The following RAPGEF6 variants were observed in gnomAD, a reference collection of about 807,000 sequenced individuals.
RAPGEF6 encodes the protein Rap guanine nucleotide exchange factor 6, also known as PDZ domain containing guanine nucleotide exchange factor (GEF) 2.
A neutral mutation model predicts 171.4 loss-of-function variants in RAPGEF6; 56 were observed. The observed-to-expected ratio is 0.33, with a 90% confidence interval of 0.26 to 0.41. The LOEUF (loss-of-function observed/expected upper bound fraction) is 0.41. RAPGEF6 is among the 10% of genes least tolerant of loss of function. RAPGEF6 has a pLI of 1.00. For missense variants in RAPGEF6, 1,674 were observed against 1,921.4 expected (o/e 0.87, Z 2.41); for synonymous variants, 692 against 650.1 (o/e 1.06, Z -0.98).
intron 4 of RAPGEF6, among the ~76,000 whole-genome samples, chr5:131,581,889 T>C (rs927134501): frequency 6.6e-6 from 1 of 152,152 alleles, no homozygotes; most frequent in African/African-American, 2.4e-5. Flanking sequence ...CAATACACCC[T>C]CCCTGCCCTT....
chr5:131,632,809 A>G (rs1766396319), intron 1 of RAPGEF6, among the ~76,000 whole-genome samples: 2 of 152,312 alleles, frequency 1.3e-5, no homozygotes, highest in African/African-American at 4.8e-5. Context: ...TTCCTTCTTC[A>G]TACTTCTTTA....
chr5:131,621,423 G>A (rs1765586167), intron 1 of RAPGEF6, among the ~76,000 whole-genome samples: 1 of 151,778 alleles, frequency 6.6e-6, no homozygotes, highest in Non-Finnish European at 1.5e-5. Context: ...CTGAGTAGCT[G>A]GCATGCACCA....
At chr5:131,588,228 CACA>C (rs1295389262) in intron 4 of RAPGEF6, among the ~76,000 whole-genome samples, 4 of 152,096 alleles carry the variant, frequency 2.6e-5, no homozygotes, top group Non-Finnish European at 4.4e-5. Context: ...TACCAGTAAA[CACA>C]ACAATGGTTC....
chr5:131,626,417 C>A (rs1171312885), intron 1 of RAPGEF6, among the ~76,000 whole-genome samples: 1 of 152,020 alleles, frequency 6.6e-6, no homozygotes, highest in Non-Finnish European at 1.5e-5. Flanking sequence ...GGAATGCCTG[C>A]TCTAGACTTA....
intron 1 of RAPGEF6, among the ~76,000 whole-genome samples, chr5:131,630,112 T>C (rs1260768163): frequency 6.6e-6 from 1 of 152,204 alleles, no homozygotes; most frequent in Non-Finnish European, 1.5e-5. Flanking sequence ...AGTCAATTGA[T>C]GTGGCAAACT....
intron 7 of RAPGEF6, among the ~76,000 whole-genome samples, chr5:131,514,684 G>T (rs1294803557): frequency 6.6e-6 from 1 of 151,888 alleles, no homozygotes; most frequent in African/African-American, 2.4e-5. Context: ...TGAAGAAAGG[G>T]CAACAAAAGC....
intron 21 of RAPGEF6, among the ~76,000 whole-genome samples, chr5:131,449,600 A>G (rs1388027576): frequency 6.6e-6 from 1 of 152,210 alleles, no homozygotes; most frequent in African/African-American, 2.4e-5. Flanking sequence ...TTTTGGATCC[A>G]CCATTAATGA....
rs560565656 is a variant in RAPGEF6 at position 131,521,587 on chromosome 5, TG to T, written c.496-67del. 216 of 1,467,818 alleles carry T rather than the reference TG, an allele frequency of 1.5e-4. 4 individuals are homozygous for T. In the South Asian group the frequency reaches 2.7e-3, roughly 18 times the overall value. 90.9% of individuals were successfully genotyped at this position (1,467,818 alleles called of 1,614,324 possible). ...TTTACCTTTTTAAGCGGTTTCGACA[TG>T]TTCAACAAATTTTTATGTACATTAC... On this transcript the variant is annotated intron_variant, in intron 6 of 27. Transcript: ENST00000509018.
intron 1 of RAPGEF6, among the ~76,000 whole-genome samples, chr5:131,605,064 C>T (rs1008638599): frequency 6.6e-6 from 1 of 152,094 alleles, no homozygotes; most frequent in Admixed American, 6.5e-5. Flanking sequence ...CTAGAGATGA[C>T]CCAGTTTATC....
intron 19 of RAPGEF6, among the ~76,000 whole-genome samples, chr5:131,459,352 A>G (rs1425949112): frequency 6.6e-6 from 1 of 152,230 alleles, no homozygotes; most frequent in Non-Finnish European, 1.5e-5. Context: ...AAGAGCTCTC[A>G]TTGTATTAGC....
intron 4 of RAPGEF6, among the ~76,000 whole-genome samples, chr5:131,567,021 G>T (rs977736285): frequency 2.0e-5 from 3 of 149,900 alleles, no homozygotes; most frequent in Non-Finnish European, 3.0e-5. Flanking sequence ...TTGAACCCGG[G>T]AAGTGGAGTT....
intron 21 of RAPGEF6, among the ~76,000 whole-genome samples, chr5:131,448,449 T>C (rs1370081030): frequency 6.6e-6 from 1 of 152,234 alleles, no homozygotes; most frequent in Non-Finnish European, 1.5e-5. Flanking sequence ...GATACTGCAG[T>C]GATTTTCCTT....
chr5:131,489,467 T>A, intron 15 of RAPGEF6, 79 bp downstream of exon 15: 1 of 789,480 alleles, frequency 1.3e-6, no homozygotes, highest in Non-Finnish European at 2.1e-6. Flanking sequence ...TATTTTACTA[T>A]CTTTTCTTCC....
chr5:131,608,922 A>G (rs1245495025), intron 1 of RAPGEF6, among the ~76,000 whole-genome samples: 2 of 151,938 alleles, frequency 1.3e-5, no homozygotes, highest in African/African-American at 4.8e-5. Context: ...AGGCACATGC[A>G]CACAACACCA....
intron 4 of RAPGEF6, among the ~76,000 whole-genome samples, chr5:131,578,249 T>A (rs1177593810): frequency 1.3e-5 from 2 of 152,060 alleles, no homozygotes; most frequent in Non-Finnish European, 1.5e-5. Context: ...TCTCTACCTC[T>A]CCCTAGTTAC....
chr5:131,576,773 C>T (rs935937838), intron 4 of RAPGEF6, among the ~76,000 whole-genome samples: 3 of 152,186 alleles, frequency 2.0e-5, no homozygotes, highest in Non-Finnish European at 4.4e-5. Context: ...AGGAAAATTC[C>T]TCCTTCCTGC....
chr5:131,568,545 C>T (rs890961679), intron 4 of RAPGEF6, among the ~76,000 whole-genome samples: 1 of 152,164 alleles, frequency 6.6e-6, no homozygotes, highest in East Asian at 1.9e-4. Context: ...TCTCAAACTC[C>T]TGGCCTCAAG....
chr5:131,434,957 C>T (rs1267557028), intron 24 of RAPGEF6, among the ~76,000 whole-genome samples: 1 of 152,138 alleles, frequency 6.6e-6, no homozygotes, highest in Non-Finnish European at 1.5e-5. Flanking sequence ...AGATATGTGA[C>T]CTTTGGACCA....
rs762394158 is a variant in RAPGEF6 at position 131,428,956 on chromosome 5, GC to G, written c.4725del (p.Leu1575PhefsTer8). On this transcript the variant is annotated frameshift_variant, in exon 27 of 28. Transcript: ENST00000509018. LOFTEE classifies it high-confidence loss of function. Reference protein sequence around the residue: ...KIVTQPQRHNLQPFHPKLGDV... With the variant: ...KIVTQPQRHNXQPFHPKLGDV... Reference sequence around the variant, plus strand: ...TCTCCTAGTTTAGGATGGAATGGCTGCAAATTATGCCTCTGAGGCTGAGTTA... The same window carrying G: ...TCTCCTAGTTTAGGATGGAATGGCTGAAATTATGCCTCTGAGGCTGAGTTA... 6.2e-7 allele frequency: 1 copy of G among 1,614,206 alleles called. No individual in the cohort carries two copies.
Sources: gnomAD v4.1 joint callset for allele counts (sites outside exome capture counted in the v4.1 genomes callset) on GRCh38, gnomAD v4.1.1 for gene constraint, MANE v1.5 for transcripts, NCBI Gene and HGNC (gene_info 2026-07-23, HGNC 2026-07-21) for gene names.